The following RIC8A variants were observed in gnomAD, a reference collection of about 807,000 sequenced individuals.
RIC8A encodes chaperone Ric-8A.
In RIC8A, 37 loss-of-function variants were observed where a neutral mutation model predicts 48.4. That is an observed-to-expected ratio of 0.77 (90% confidence interval 0.59 to 1.01). The LOEUF (loss-of-function observed/expected upper bound fraction) is 1.01. Among genes scored for constraint, RIC8A ranks in the 50% least tolerant of loss-of-function variants. The probability of loss-of-function intolerance (pLI) is 0.00; values close to 1 mark genes in which losing one functional copy is unlikely to be tolerated. For synonymous variants in RIC8A, 288 were observed against 283.4 expected (o/e 1.02, Z -0.16); for missense variants, 681 against 696.8 (o/e 0.98, Z 0.25).
chr11:209,253 C>G lies in RIC8A; in HGVS notation c.85-18C>G. 1 of 1,614,110 alleles carries G rather than the reference C, an allele frequency of 6.2e-7. No homozygotes were observed. The highest frequency in any genetic ancestry group is 1.1e-5 in the South Asian group (1 of 91,088). On this transcript the variant is annotated intron_variant, in intron 1 of 9. Coordinates refer to ENST00000526104, the MANE Select transcript of RIC8A (RefSeq NM_001286134.2). ...TCCTACCCCTCTGTGGATTTGAATT[C>G]ACTAGTTCTCTCTGCAGCACTCCCA... is the stretch of plus-strand genomic sequence containing the variant.
intron 1 of RIC8A, 160 bp from the exon 2 acceptor site, chr11:209,111 C>T: frequency 9.5e-7 from 1 of 1,051,548 alleles, no homozygotes; most frequent in South Asian, 1.3e-5. Flanking sequence ...TGGGGGTGCA[C>T]CCGTTGGGTG....
At chr11:213,134 C>T (rs1855410463) in intron 8 of RIC8A, 153 bp downstream of exon 8, 1 of 1,358,410 alleles carries the variant, frequency 7.4e-7, no homozygotes, top group South Asian at 1.5e-5. Context: ...TCTGGGATAC[C>T]AGAAGGTGGC....
In RIC8A at chr11:210,110, C is replaced by G. The variant is rs534909659; in HGVS notation, c.726+110C>G. On this transcript the variant is annotated intron_variant, in intron 3 of 9. Coordinates refer to ENST00000526104, the MANE Select transcript of RIC8A (RefSeq NM_001286134.2). ...TTCTGGGTGTCAGACATGGAGAGGACAGGACCTCCCAGCCTGTTGGGACAA... is the reference window on the plus strand; with the variant it reads ...TTCTGGGTGTCAGACATGGAGAGGAGAGGACCTCCCAGCCTGTTGGGACAA... 833 of 928,120 alleles carry G rather than the reference C, an allele frequency of 9.0e-4. 2 individuals are homozygous for G. Among genetic ancestry groups the G allele is most frequent in the Non-Finnish European group, 1.3e-3 (789 of 630,632 alleles). The allele number at this position is 928,120 out of a possible 1,614,324, so 57.5% of individuals were successfully genotyped here.
At chr11:210,368 GTT>G in intron 3 of RIC8A, 1 of 707,890 alleles carries the variant, frequency 1.4e-6, no homozygotes, top group Admixed American at 2.0e-5. Context: ...TACTCATGGA[GTT>G]TTTAGGAAGA....
At position 212,622 on chromosome 11, in the gene RIC8A, C is replaced by T. The variant is rs1855391281; in HGVS notation, c.1073C>T (p.Pro358Leu). 3 of 1,613,872 alleles carry T rather than the reference C, an allele frequency of 1.9e-6. No individual in the cohort carries two copies. In the South Asian group the frequency reaches 3.3e-5, roughly 18 times the overall value. The change falls in exon 7 of 10, where the codon CCC becomes CTC. Residue 358 changes from proline (P) to leucine (L), a missense_variant. By Grantham distance (98) the Pro-to-Leu change is moderately conservative. Coordinates refer to ENST00000526104, the MANE Select transcript of RIC8A (RefSeq NM_001286134.2). ...ARKFLKAQVL[P>L]PLRDVRTRPE... ...GGATGGCCACCTCCCCAGGTGCTGC[C>T]CCCTCTGCGGGATGTGAGGACACGG...
chr11:209,203 G>A (rs1855278685), intron 1 of RIC8A, 68 bp from the exon 2 acceptor site: 12 of 1,595,636 alleles, frequency 7.5e-6, no homozygotes, highest in Admixed American at 1.7e-5. Flanking sequence ...GAGGCCAATA[G>A]GCCGCCCGCA....
In RIC8A at chr11:209,428, T is replaced by A; in HGVS notation, c.154T>A (p.Ser52Thr). The change falls in exon 3 of 10, where the codon TCC (serine) becomes ACC (threonine). Residue 52 changes from serine (S) to threonine (T), a missense_variant. Ser to Thr is a moderately conservative substitution (Grantham distance 58). Coordinates refer to ENST00000526104, the MANE Select transcript of RIC8A (RefSeq NM_001286134.2). Reference sequence around the variant, plus strand: ...ACAGAGACTGGCGGAGCTGCTGGTCTCCGTCCTGGAACAGGGCTTGCCACC... The same window carrying A: ...ACAGAGACTGGCGGAGCTGCTGGTCACCGTCCTGGAACAGGGCTTGCCACC... Reference protein sequence around the residue: ...DRKRLAELLVSVLEQGLPPSH... With the variant: ...DRKRLAELLVTVLEQGLPPSH... The A allele has an allele frequency of 1.2e-6, 2 of 1,601,610 alleles. No homozygotes were observed. The highest frequency in any genetic ancestry group is 1.7e-6 in the Non-Finnish European group (2 of 1,170,718).
chr11:213,070 AG>A (rs1386738357), intron 8 of RIC8A, 89 bp downstream of exon 8: 5 of 1,469,114 alleles, frequency 3.4e-6, no homozygotes, highest in Non-Finnish European at 2.7e-6. Context: ...AGGGTGGGAC[AG>A]GATGACAAAT....
At chr11:210,079 T>C in intron 3 of RIC8A, 79 bp downstream of exon 3, 1 of 1,277,066 alleles carries the variant, frequency 7.8e-7, no homozygotes, top group Non-Finnish European at 1.1e-6. Flanking sequence ...CTGGGTACCT[T>C]CAGGTTTCTG....
Position 208,893 on chromosome 11 carries a change from T to G in RIC8A, c.39T>G (p.Gly13=), listed in dbSNP as rs2133744926. ...CGGTTGCAGAAGCCGTGGAGACGGG[T>G]GAGGAGGATGTGATTATGGAAGCTC... The part of the protein sequence containing the change: ...PRAVAEAVET[G]EEDVIMEALR... The change falls in exon 1 of 10, where the codon GGT becomes GGG. Residue 13 remains glycine, a synonymous_variant. Transcript: ENST00000526104. The surrounding 1 kb of genome is among the most constrained non-coding windows in gnomAD (Gnocchi z 4.8). 1 of 1,604,806 alleles carries G rather than the reference T, an allele frequency of 6.2e-7. No homozygotes were observed. The highest frequency in any genetic ancestry group is 8.5e-7 in the Non-Finnish European group (1 of 1,177,880).
intron 1 of RIC8A, 133 bp from the exon 2 acceptor site, chr11:209,137 TG>T: frequency 8.7e-7 from 1 of 1,155,528 alleles, no homozygotes; most frequent in Non-Finnish European, 1.3e-6. Context: ...CGTGTAGGGA[TG>T]GGGGCGAGTG....
In RIC8A at chr11:211,501, C is replaced by A; in HGVS notation, c.969+152C>A. 1 of 817,028 alleles carries A rather than the reference C, an allele frequency of 1.2e-6. No individual in the cohort carries two copies. Among genetic ancestry groups the A allele is most frequent in the Admixed American group, 3.2e-5 (1 of 31,302 alleles). 50.6% of individuals were successfully genotyped at this position (817,028 alleles called of 1,614,324 possible). ...GCGACTCTTCCGGTTGTTCTGTGGT[C>A]CAGCCTGGCAAGAAGCCAGACCCTT... On this transcript the variant is annotated intron_variant, in intron 5 of 9. Transcript: ENST00000526104. The surrounding 1 kb of genome is among the most constrained non-coding windows in gnomAD (Gnocchi z 4.0).
At position 214,452 on chromosome 11, in the gene RIC8A, G is replaced by A. The variant is rs114367145; in HGVS notation, c.*102G>A. On this transcript the variant is annotated 3_prime_UTR_variant, in exon 10 of 10. Transcript: ENST00000526104. The stretch of plus-strand genomic sequence containing the variant: ...GCCACATCCCACTGGATCCACACCC[G>A]CCCCCACTTCTCCATCTTAGAAACC... 80 of 1,386,308 alleles carry A rather than the reference G, an allele frequency of 5.8e-5. No homozygotes were observed. Among genetic ancestry groups the A allele is most frequent in the African/African-American group, 5.6e-4 (39 of 70,050 alleles). The allele number at this position is 1,386,308 out of a possible 1,614,324, so 85.9% of individuals were successfully genotyped here.
At chr11:209,353 C>T (rs760755221) in intron 2 of RIC8A, 35 bp downstream of exon 2, 22 of 1,603,190 alleles carry the variant, frequency 1.4e-5, no homozygotes, top group Admixed American at 8.4e-5. Flanking sequence ...GGGGCAGGGA[C>T]GGGTGGCCCC....
chr11:213,816 G>A (rs1346767165), intron 9 of RIC8A: 2 of 239,864 alleles, frequency 8.3e-6, no homozygotes, highest in African/African-American at 4.6e-5. Context: ...GCGTGGTGGT[G>A]GGCGCCTGTA....
At chr11:210,070 T>C in intron 3 of RIC8A, 70 bp downstream of exon 3, 1 of 1,341,268 alleles carries the variant, frequency 7.5e-7, no homozygotes, top group Non-Finnish European at 1.0e-6. Context: ...TGCTTCCTAC[T>C]GGGTACCTTC....
chr11:210,854 T>C, intron 4 of RIC8A, 192 bp downstream of exon 4: 1 of 635,040 alleles, frequency 1.6e-6, no homozygotes, highest in Admixed American at 2.7e-5. Context: ...CCTTGGGTAG[T>C]GGCAACAGTA....
Position 208,926 on chromosome 11 carries a change from A to C in RIC8A, c.72A>C (p.Ser24=), listed in dbSNP as rs1419959125. The C allele has an allele frequency of 1.2e-6, 2 of 1,609,678 alleles. No individual in the cohort carries two copies. The highest frequency in any genetic ancestry group is 1.7e-6 in the Non-Finnish European group (2 of 1,178,728). Residue 24 remains serine (S), a synonymous_variant, in exon 1 of 10, where the codon TCA becomes TCC. Coordinates refer to ENST00000526104, the MANE Select transcript of RIC8A (RefSeq NM_001286134.2). This position sits in a 1 kb window ranked among gnomAD's most constrained non-coding sequence, Gnocchi z 4.8. ...ATGTGATTATGGAAGCTCTGCGGTC[A>C]TACAACCAGGAGGTAAGCGGCCGCC... ...EEDVIMEALR[S]YNQEHSQSFT... is the part of the protein sequence containing the mutation.
At chr11:213,182 G>A in intron 8 of RIC8A, 117 bp from the exon 9 acceptor site, 1 of 1,481,108 alleles carries the variant, frequency 6.8e-7, no homozygotes, top group Non-Finnish European at 9.1e-7. Context: ...GCTTCTGGAG[G>A]GAGGCCTCTT....
Sources: gnomAD v4.1 joint callset for allele counts on GRCh38, gnomAD v4.1.1 for gene constraint, Gnocchi (gnomAD v3.1) non-coding constraint, MANE v1.5 for transcripts, NCBI Gene and HGNC (gene_info 2026-07-23, HGNC 2026-07-21) for gene names.